TOGARAM1: variants seen among roughly 807,000 people sequenced by gnomAD.
The protein encoded by TOGARAM1 is TOG array regulator of axonemal microtubules protein 1.
Under a neutral mutation model 166.6 loss-of-function variants are expected in TOGARAM1, and 100 were observed. The ratio of observed to expected loss-of-function variants is 0.60; its 90% CI spans 0.51 to 0.71. The LOEUF (loss-of-function observed/expected upper bound fraction) is 0.71, where lower values mean the gene tolerates loss of function less well. Among genes scored for constraint, TOGARAM1 ranks in the 30% least tolerant of loss-of-function variants. The probability of loss-of-function intolerance (pLI) is 0.00; values close to 1 mark genes in which losing one functional copy is unlikely to be tolerated. For synonymous variants in TOGARAM1, 758 were observed against 763.8 expected (o/e 0.99, Z 0.13); for missense variants, 2,029 against 2,102.7 (o/e 0.96, Z 0.69).
chr14:45,039,225 G>T (rs943545495), intron 11 of TOGARAM1, among the ~76,000 whole-genome samples: 1 of 152,162 alleles, frequency 6.6e-6, no homozygotes, highest in Non-Finnish European at 1.5e-5. Flanking sequence ...CCACAGGCAG[G>T]TCATCCCATC....
At chr14:45,038,064 A>G (rs1189243108) in intron 11 of TOGARAM1, among the ~76,000 whole-genome samples, 2 of 152,110 alleles carry the variant, frequency 1.3e-5, no homozygotes, top group African/African-American at 2.4e-5. Flanking sequence ...AGACTTGGAC[A>G]ACACTTCTTT....
chr14:45,054,698 T>C, intron 16 of TOGARAM1, 149 bp downstream of exon 16: 1 of 581,382 alleles, frequency 1.7e-6, no homozygotes, highest in Non-Finnish European at 3.0e-6. Flanking sequence ...TGTGAGGTAA[T>C]TAGATTTAAT....
chr14:44,982,415 A>G (rs78714289), intron 1 of TOGARAM1, among the ~76,000 whole-genome samples: 36 of 152,350 alleles, frequency 2.4e-4, no homozygotes, highest in Non-Finnish European at 4.1e-4. Context: ...TAAATCAGAC[A>G]TCATTAGCTG....
chr14:45,070,181 C>CA (rs1004553011), intron 18 of TOGARAM1, among the ~76,000 whole-genome samples: 38 of 150,354 alleles, frequency 2.5e-4, no homozygotes, highest in Non-Finnish European at 4.7e-4. Context: ...GACTCCATCT[C>CA]AAAAAAAAGA....
intron 1 of TOGARAM1, among the ~76,000 whole-genome samples, chr14:44,976,281 C>T (rs1373088845): frequency 6.6e-6 from 1 of 152,098 alleles, no homozygotes; most frequent in African/African-American, 2.4e-5. Flanking sequence ...ATTTTCTGGC[C>T]TTACATATGC....
chr14:44,972,131 A>ACC lies in TOGARAM1; in HGVS notation c.2046+7667_2046+7668dup, dbSNP rs540194704. ...CCCATGATCCAGTCATCCCCCAGCA[A>ACC]CCCCTCTTTCAACATTGAGGATTAC... is the stretch of plus-strand genomic sequence containing the variant. On this transcript the variant is annotated intron_variant, in intron 1 of 19. Transcript: ENST00000361462. 1.9e-3 allele frequency among the ~76,000 whole-genome samples: 285 copies of ACC among 152,112 alleles called. 2 individuals are homozygous for ACC. The highest frequency in any genetic ancestry group is 6.5e-3 in the African/African-American group (268 of 41,530).
intron 9 of TOGARAM1, 70 bp downstream of exon 9, chr14:45,027,544 T>A: frequency 8.5e-7 from 1 of 1,175,378 alleles, no homozygotes; most frequent in Non-Finnish European, 1.2e-6. Flanking sequence ...GTATATCAGA[T>A]GTGGGGTGGT....
intron 5 of TOGARAM1, chr14:45,007,376 T>C (rs1879513104): frequency 6.6e-6 from 1 of 151,964 alleles, no homozygotes; most frequent in East Asian, 1.9e-4. Flanking sequence ...GGAAGGGAAT[T>C]CATTTGAAGG....
intron 11 of TOGARAM1, among the ~76,000 whole-genome samples, chr14:45,040,913 CCTG>C (rs1340936641): frequency 6.6e-6 from 1 of 152,096 alleles, no homozygotes; most frequent in African/African-American, 2.4e-5. Context: ...GCGGCCCATG[CCTG>C]TAATCCCAGC....
chr14:45,039,352 G>A (rs1196752582), intron 11 of TOGARAM1, among the ~76,000 whole-genome samples: 2 of 152,118 alleles, frequency 1.3e-5, no homozygotes, highest in African/African-American at 4.8e-5. Context: ...CCAGTCTGTG[G>A]AACTAGCAGC....
chr14:45,071,717 T>C lies in TOGARAM1; in HGVS notation c.4975T>C (p.Tyr1659His). The change falls in exon 19 of 20, where the codon TAC (tyrosine) becomes CAC (histidine). Residue 1659 changes from tyrosine (Y) to histidine (H), a missense_variant. Transcript: ENST00000361462. Reference sequence around the variant, plus strand: ...TCTGTGTTCTTTTTGTTTAGACAATTACTTACTTCTACAGCCATTTTGCAC... The same window carrying C: ...TCTGTGTTCTTTTTGTTTAGACAATCACTTACTTCTACAGCCATTTTGCAC... ...VQALSQHVDN[Y>H]LLLQPFCTKA... 6.2e-7 allele frequency: 1 copy of C among 1,609,084 alleles called. No individual in the cohort carries two copies. The highest frequency in any genetic ancestry group is 8.5e-7 in the Non-Finnish European group (1 of 1,177,626).
intron 3 of TOGARAM1, among the ~76,000 whole-genome samples, 158 bp downstream of exon 3, chr14:44,999,655 A>C (rs1887605597): frequency 1.3e-5 from 2 of 152,232 alleles, no homozygotes; most frequent in South Asian, 4.1e-4. Context: ...TGTTACCCTA[A>C]AGTATTAGTT....
chr14:45,004,455 G>T, intron 4 of TOGARAM1, 89 bp downstream of exon 4: 2 of 971,822 alleles, frequency 2.1e-6, no homozygotes, highest in Non-Finnish European at 3.0e-6. Flanking sequence ...TTAAAAGCTA[G>T]TAAACTACAT....
intron 16 of TOGARAM1, among the ~76,000 whole-genome samples, chr14:45,057,176 G>A (rs184937999): frequency 1.7e-3 from 263 of 152,088 alleles, no homozygotes; most frequent in African/African-American, 5.7e-3. Flanking sequence ...TTATTCTGTC[G>A]AATCAGTCCT....
intron 7 of TOGARAM1, among the ~76,000 whole-genome samples, chr14:45,019,815 C>T (rs972986809): frequency 2.0e-5 from 3 of 152,174 alleles, no homozygotes; most frequent in Non-Finnish European, 4.4e-5. Flanking sequence ...TCTCTCAGTC[C>T]GCCCTCTCAA....
Position 45,006,260 on chromosome 14 carries a change from A to C in TOGARAM1, c.2897A>C (p.Gln966Pro). 6.2e-7 allele frequency: 1 copy of C among 1,608,858 alleles called. No homozygotes were observed. Among genetic ancestry groups the C allele is most frequent in the Non-Finnish European group, 8.5e-7 (1 of 1,176,682 alleles). ...AATTTCAAGGATAAAGATTTGGATC[A>C]AGAAGAGGTTAGAACCAAATATTTT... Reference protein sequence around the residue: ...ELNFKDKDLDQEEMHSSLRSL... With the variant: ...ELNFKDKDLDPEEMHSSLRSL... The change falls in exon 5 of 20, where the codon CAA (glutamine) becomes CCA (proline). Residue 966 changes from glutamine (Q) to proline (P), a missense_variant. By Grantham distance (76) the Gln-to-Pro change is moderately conservative. Around this residue, in one of 2 missense-constraint regions of TOGARAM1, gnomAD observed 1,453 missense variants for 1,432.2 expected, o/e 1.01. Coordinates refer to ENST00000361462, the MANE Select transcript of TOGARAM1 (RefSeq NM_001308120.2).
rs2138701743 is a variant in TOGARAM1, at chr14:44,963,655, C to T, written c.1234C>T (p.His412Tyr). The change falls in exon 1 of 20, where the codon CAT (histidine) becomes TAT (tyrosine). Residue 412 changes from histidine to tyrosine, a missense_variant. Transcript: ENST00000361462. ...AGACGATTCTAACTTCAAAGTGGTG[C>T]ATGGCACACTTGAAGTCCTGCATTT... is the stretch of plus-strand genomic sequence containing the variant. ...LLDDSNFKVV[H>Y]GTLEVLHLLV... 1 of 1,613,404 alleles carries T rather than the reference C, an allele frequency of 6.2e-7. No individual in the cohort carries two copies. Among genetic ancestry groups the T allele is most frequent in the Non-Finnish European group, 8.5e-7 (1 of 1,180,024 alleles).
chr14:44,968,601 TAC>T (rs1473341072), intron 1 of TOGARAM1, among the ~76,000 whole-genome samples: 1 of 152,134 alleles, frequency 6.6e-6, no homozygotes, highest in Non-Finnish European at 1.5e-5. Context: ...CAACAGAGAG[TAC>T]AGATAGTTCC....
intron 11 of TOGARAM1, among the ~76,000 whole-genome samples, chr14:45,041,550 A>G (rs1881728716): frequency 6.6e-6 from 1 of 152,250 alleles, no homozygotes; most frequent in African/African-American, 2.4e-5. Flanking sequence ...TGAGGCTACC[A>G]TTACTCTGAT....
Sources: gnomAD v4.1 joint callset for allele counts (sites outside exome capture counted in the v4.1 genomes callset) on GRCh38, gnomAD v4.1.1 for gene constraint, gnomAD v4.1.1 regional missense constraint, MANE v1.5 for transcripts, NCBI Gene and HGNC (gene_info 2026-07-23, HGNC 2026-07-21) for gene names.